Variants in PACRG observed in about 807,000 individuals in gnomAD.
PACRG encodes the protein parkin coregulated.
Under a neutral mutation model 29.7 loss-of-function variants are expected in PACRG, and 29 were observed. That is an observed-to-expected ratio of 0.98 (90% confidence interval 0.73 to 1.33). The LOEUF (loss-of-function observed/expected upper bound fraction) is 1.33. Ranked by LOEUF, PACRG falls within the 40% of genes most tolerant of loss-of-function variation. The pLI, the probability that PACRG is intolerant of heterozygous loss-of-function variation, is 0.00. For synonymous variants in PACRG, 116 were observed against 118.7 expected (o/e 0.98, Z 0.15); for missense variants, 279 against 316.2 (o/e 0.88, Z 0.89).
At chr6:163,035,199 A>G (rs905370313) in intron 2 of PACRG, among the ~76,000 whole-genome samples, 4 of 152,108 alleles carry the variant, frequency 2.6e-5, no homozygotes, top group South Asian at 2.1e-4. Flanking sequence ...TTGACCTTCT[A>G]TCTCATCCCA....
At chr6:162,892,118 TC>T (rs1172501493) in intron 2 of PACRG, 2 of 152,312 alleles carry the variant, frequency 1.3e-5, no homozygotes, top group African/African-American at 4.8e-5. Flanking sequence ...GTTGTTACTG[TC>T]CCAGTCTGGT....
chr6:163,135,010 G>A (rs1017398299), intron 4 of PACRG, among the ~76,000 whole-genome samples: 2 of 151,882 alleles, frequency 1.3e-5, no homozygotes, highest in African/African-American at 4.8e-5. Context: ...TCATTCACAC[G>A]CATACTTTTT....
At chr6:162,850,588 C>T (rs1790775182) in intron 2 of PACRG, among the ~76,000 whole-genome samples, 1 of 152,114 alleles carries the variant, frequency 6.6e-6, no homozygotes. Context: ...TTCATAAACC[C>T]ACAAAAGGAC....
intron 2 of PACRG, among the ~76,000 whole-genome samples, chr6:163,015,483 G>A (rs1806010121): frequency 6.6e-6 from 1 of 152,120 alleles, no homozygotes; most frequent in Non-Finnish European, 1.5e-5. Flanking sequence ...TCTAATCCAT[G>A]AGCACAGAAT....
chr6:163,216,937 A>G (rs989899803), intron 4 of PACRG, among the ~76,000 whole-genome samples: 3 of 152,224 alleles, frequency 2.0e-5, no homozygotes, highest in Non-Finnish European at 2.9e-5. Flanking sequence ...CCAATAATCC[A>G]TATAAAAGCA....
intron 2 of PACRG, among the ~76,000 whole-genome samples, chr6:163,023,731 AG>A (rs1321542180): frequency 5.7e-4 from 87 of 152,298 alleles, no homozygotes; most frequent in Non-Finnish European, 2.9e-4. Flanking sequence ...CAGCCTCACC[AG>A]GATCTGTTGT....
intron 4 of PACRG, among the ~76,000 whole-genome samples, chr6:163,181,604 CAAA>C (rs544633309): frequency 0.32 from 20,691 of 64,954 alleles, 1,992 homozygotes; most frequent in Middle Eastern, 0.46. Flanking sequence ...CTTGAGGTGG[CAAA>C]AAAAAAAAAA....
chr6:163,019,742 G>A (rs753357191), intron 2 of PACRG, among the ~76,000 whole-genome samples: 5 of 152,102 alleles, frequency 3.3e-5, no homozygotes, highest in Admixed American at 1.3e-4. Flanking sequence ...ACACAATTTC[G>A]ATGTAGTTCT....
intron 3 of PACRG, among the ~76,000 whole-genome samples, chr6:163,065,317 C>T (rs1303605674): frequency 6.6e-6 from 1 of 152,076 alleles, no homozygotes; most frequent in African/African-American, 2.4e-5. Flanking sequence ...AAAGAGCAGC[C>T]CTCTTACTTG....
chr6:162,776,463 C>T (rs1783649350), intron 1 of PACRG, among the ~76,000 whole-genome samples: 1 of 152,160 alleles, frequency 6.6e-6, no homozygotes, highest in Non-Finnish European at 1.5e-5. Flanking sequence ...TCTTTGTGCT[C>T]CTCAAAGCAG....
chr6:162,837,380 T>A (rs183634586), intron 2 of PACRG, among the ~76,000 whole-genome samples: 272 of 152,188 alleles, frequency 1.8e-3, no homozygotes, highest in South Asian at 5.8e-3. Context: ...GTCCACACAT[T>A]AAATGATAAG....
chr6:162,827,886 G>C (rs1788420858), intron 2 of PACRG, among the ~76,000 whole-genome samples: 1 of 151,968 alleles, frequency 6.6e-6, no homozygotes, highest in Non-Finnish European at 1.5e-5. Flanking sequence ...GCCAGATTGA[G>C]TACCCTTCTT....
At chr6:163,067,248 G>T (rs1365403272) in intron 3 of PACRG, among the ~76,000 whole-genome samples, 1 of 152,208 alleles carries the variant, frequency 6.6e-6, no homozygotes, top group Non-Finnish European at 1.5e-5. Flanking sequence ...TGACAAGCCC[G>T]TGGTCGATGC....
chr6:162,805,786 A>ATTATG, intron 1 of PACRG, among the ~76,000 whole-genome samples: 1 of 152,228 alleles, frequency 6.6e-6, no homozygotes. Context: ...CATAAGAAGC[A>ATTATG]GCTCCTCATT....
intron 2 of PACRG, among the ~76,000 whole-genome samples, chr6:163,016,843 T>C (rs1806158886): frequency 6.6e-6 from 1 of 152,094 alleles, no homozygotes. Flanking sequence ...TATATTTATA[T>C]ATACTGGGTA....
At chr6:162,914,648 T>A (rs1796581589) in intron 2 of PACRG, among the ~76,000 whole-genome samples, 1 of 150,936 alleles carries the variant, frequency 6.6e-6, no homozygotes, top group South Asian at 2.1e-4. Context: ...GCATTGAATC[T>A]ATAGATCAAC....
intron 1 of PACRG, among the ~76,000 whole-genome samples, chr6:162,729,570 T>C (rs1779585822): frequency 6.6e-6 from 1 of 152,218 alleles, no homozygotes; most frequent in Non-Finnish European, 1.5e-5. Context: ...TAATTCTTTT[T>C]CATGGAATTT....
At chr6:162,912,206 A>G (rs1007243019) in intron 2 of PACRG, among the ~76,000 whole-genome samples, 61 of 152,206 alleles carry the variant, frequency 4.0e-4, no homozygotes, top group Non-Finnish European at 7.9e-4. Context: ...GTATATTTCC[A>G]TCATTTAAAA....
At chr6:163,265,015 T>C (rs1012405027) in intron 4 of PACRG, among the ~76,000 whole-genome samples, 13 of 152,188 alleles carry the variant, frequency 8.5e-5, no homozygotes, top group Non-Finnish European at 1.2e-4. Flanking sequence ...ATGGATGATA[T>C]GCTTTTAAGC....
Sources: allele counts gnomAD v4.1 joint callset (sites outside exome capture counted in the v4.1 genomes callset), GRCh38; gene constraint gnomAD v4.1.1; transcripts MANE v1.5; gene names NCBI Gene and HGNC (gene_info 2026-07-23, HGNC 2026-07-21).